The following KANSL1L variants were observed in gnomAD, a reference collection of about 807,000 sequenced individuals.
KANSL1L encodes KAT8 regulatory NSL complex subunit 1 like, also known as KAT8 regulatory NSL complex subunit 1-like protein.
Under a neutral mutation model 108.6 loss-of-function variants are expected in KANSL1L, and 25 were observed. That is an observed-to-expected ratio of 0.23 (90% CI 0.17 to 0.32). The LOEUF is 0.32. KANSL1L is among the 10% of genes least tolerant of loss of function. The probability of loss-of-function intolerance (pLI) is 1.00; values close to 1 mark genes in which losing one functional copy is unlikely to be tolerated. For missense variants in KANSL1L, 1,137 were observed against 1,125.7 expected (o/e 1.01, Z -0.14); for synonymous variants, 405 against 395.1 (o/e 1.03, Z -0.30).
intron 1 of KANSL1L, among the ~76,000 whole-genome samples, chr2:210,165,086 C>T (rs1260764115): frequency 2.6e-5 from 4 of 151,066 alleles, no homozygotes; most frequent in South Asian, 4.2e-4. Flanking sequence ...AGGCTGGTCT[C>T]GAACTCCTGA....
rs577258756 is a variant in KANSL1L, at chr2:210,124,847, A to G, written c.1230+4184T>C. On this transcript the variant is annotated intron_variant, in intron 3 of 14. Transcript: ENST00000281772. ...ATTGCTGAATCTAAAGAAATAAAACAGATGACAAGAGAGTATTATTAATAA... is the reference window on the plus strand; with the variant it reads ...ATTGCTGAATCTAAAGAAATAAAACGGATGACAAGAGAGTATTATTAATAA... Among the ~76,000 whole-genome samples the G allele has an allele frequency of 2.2e-4, 34 of 152,338 alleles. No homozygotes were observed. In the East Asian group the frequency reaches 5.8e-3, roughly 26 times the overall value.
chr2:210,051,981 ATTTC>A lies in KANSL1L; in HGVS notation c.1756-7881_1756-7878del, dbSNP rs1409217399. ...TTTAATTATAGCTATTTTATTTTAAATTTCTTTCTTTCTTCTTTCCTTTTTTTTT... is the reference window on the plus strand; with the variant it reads ...TTTAATTATAGCTATTTTATTTTAAATTTCTTTCTTCTTTCCTTTTTTTTT... On this transcript the variant is annotated intron_variant, in intron 6 of 14. Transcript: ENST00000281772. Among the ~76,000 whole-genome samples the A allele has an allele frequency of 2.2e-3, 320 of 143,708 alleles. 4 individuals are homozygous for A. Among genetic ancestry groups the A allele is most frequent in the African/African-American group, 7.5e-3 (296 of 39,298 alleles). 94.3% of individuals were successfully genotyped at this position (143,708 alleles called of 152,430 possible).
At chr2:210,162,253 T>TATATATATATATAAAA in intron 1 of KANSL1L, among the ~76,000 whole-genome samples, 1 of 145,018 alleles carries the variant, frequency 6.9e-6, no homozygotes, top group African/African-American at 2.5e-5. Context: ...TGTATATCAA[T>TATATATATATATAAAA]AAAAATTAAA....
chr2:210,118,268 AGACCAGCCT>A (rs1273796256), intron 3 of KANSL1L, among the ~76,000 whole-genome samples: 1 of 151,688 alleles, frequency 6.6e-6, no homozygotes, highest in Admixed American at 6.6e-5. Flanking sequence ...CAGGAGTTCA[AGACCAGCCT>A]GACCAACATG....
At chr2:210,040,675 G>C in intron 7 of KANSL1L, 148 bp from the exon 8 acceptor site, 1 of 483,224 alleles carries the variant, frequency 2.1e-6, no homozygotes, top group Non-Finnish European at 3.7e-6. Context: ...ACAACTATCG[G>C]AAGTGACAAA....
rs754177982 is a variant in KANSL1L, at chr2:210,040,531, G to A, written c.1922-4C>T. On this transcript the variant is annotated splice_polypyrimidine_tract_variant and splice_region_variant and intron_variant, in intron 7 of 14. Transcript: ENST00000281772. Reference sequence around the variant, plus strand: ...AAGTGAAAATGAAGAGGCACATCTGGAAAAATAAAATAAAAAAGGTATTTT... The same window carrying A: ...AAGTGAAAATGAAGAGGCACATCTGAAAAAATAAAATAAAAAAGGTATTTT... The A allele has an allele frequency of 2.2e-6, 3 of 1,376,004 alleles. No individual in the cohort carries two copies. The East Asian group carries it at 7.0e-5, about 32-fold the overall frequency. The allele number at this position is 1,376,004 out of a possible 1,614,324, so 85.2% of individuals were successfully genotyped here.
chr2:210,079,636 A>ATG (rs1325352986), intron 5 of KANSL1L, among the ~76,000 whole-genome samples: 178 of 5,370 alleles, frequency 0.033, 10 homozygotes, highest in East Asian at 0.075. Context: ...ATATATATAT[A>ATG]TATATATATA....
At chr2:210,127,480 A>C (rs1215840391) in intron 3 of KANSL1L, among the ~76,000 whole-genome samples, 1 of 152,154 alleles carries the variant, frequency 6.6e-6, no homozygotes, top group African/African-American at 2.4e-5. Flanking sequence ...GGGCAGGAAA[A>C]GATAATATCA....
At chr2:210,145,543 G>T (rs1385345613) in intron 2 of KANSL1L, among the ~76,000 whole-genome samples, 1 of 152,210 alleles carries the variant, frequency 6.6e-6, no homozygotes, top group Non-Finnish European at 1.5e-5. Context: ...CACTGTGGTA[G>T]AAGTAGTTTC....
chr2:210,115,802 AC>A (rs944819002), intron 3 of KANSL1L, among the ~76,000 whole-genome samples: 2 of 152,008 alleles, frequency 1.3e-5, no homozygotes, highest in Non-Finnish European at 2.9e-5. Flanking sequence ...CCCAATATCT[AC>A]CCCCAAATCT....
intron 2 of KANSL1L, among the ~76,000 whole-genome samples, chr2:210,130,515 T>C (rs1008652682): frequency 6.6e-6 from 1 of 152,162 alleles, no homozygotes; most frequent in African/African-American, 2.4e-5. Flanking sequence ...TCAATGTTTC[T>C]GAAAGGCCAC....
chr2:210,139,332 A>G (rs531349370), intron 2 of KANSL1L, among the ~76,000 whole-genome samples: 4 of 152,284 alleles, frequency 2.6e-5, no homozygotes, highest in African/African-American at 7.2e-5. Flanking sequence ...GGTCAGTTTG[A>G]TTGCATACTT....
At chr2:210,146,376 C>T (rs1353287570) in intron 2 of KANSL1L, among the ~76,000 whole-genome samples, 1 of 152,170 alleles carries the variant, frequency 6.6e-6, no homozygotes, top group Non-Finnish European at 1.5e-5. Flanking sequence ...GACTATCTTG[C>T]TTCTATCACT....
chr2:210,112,737 A>G (rs2094920619), intron 3 of KANSL1L, among the ~76,000 whole-genome samples: 1 of 152,130 alleles, frequency 6.6e-6, no homozygotes, highest in Non-Finnish European at 1.5e-5. Flanking sequence ...CATCACCACA[A>G]ATATTTATCG....
At chr2:210,034,892 C>T (rs1000911772) in intron 8 of KANSL1L, among the ~76,000 whole-genome samples, 3 of 152,166 alleles carry the variant, frequency 2.0e-5, no homozygotes, top group African/African-American at 7.2e-5. Flanking sequence ...CAAAAAATTT[C>T]TGTATACCCT....
intron 2 of KANSL1L, among the ~76,000 whole-genome samples, chr2:210,143,690 A>G (rs932048416): frequency 3.9e-5 from 6 of 152,094 alleles, no homozygotes; most frequent in African/African-American, 1.4e-4. Flanking sequence ...AGTTATTAGG[A>G]GTCTATTTCA....
chr2:210,037,213 A>G (rs1426989764), intron 8 of KANSL1L, among the ~76,000 whole-genome samples: 1 of 152,204 alleles, frequency 6.6e-6, no homozygotes, highest in Admixed American at 6.5e-5. Context: ...TTTTAATTAA[A>G]TGCATACTTA....
At chr2:210,146,522 A>C (rs755779290) in intron 2 of KANSL1L, among the ~76,000 whole-genome samples, 44 of 152,228 alleles carry the variant, frequency 2.9e-4, no homozygotes, top group Non-Finnish European at 5.6e-4. Context: ...CATAAATGCC[A>C]GTTTGTTTCA....
At chr2:210,098,029 A>G (rs2094754707) in intron 5 of KANSL1L, 57 bp downstream of exon 5, 3 of 1,474,072 alleles carry the variant, frequency 2.0e-6, no homozygotes, top group Non-Finnish European at 9.2e-7. Flanking sequence ...CAAAATCAAA[A>G]TAAGATAAAA....
Sources: allele counts gnomAD v4.1 joint callset (sites outside exome capture counted in the v4.1 genomes callset), GRCh38; gene constraint gnomAD v4.1.1; transcripts MANE v1.5; gene names NCBI Gene and HGNC (gene_info 2026-07-23, HGNC 2026-07-21).